Variants in FAM135B observed in about 807,000 individuals in gnomAD.
FAM135B encodes the protein protein FAM135B.
FAM135B carries 43 observed loss-of-function variants against 127.7 expected under a neutral mutation model. The ratio of observed to expected loss-of-function variants is 0.34; its 90% CI spans 0.26 to 0.43. The LOEUF (loss-of-function observed/expected upper bound fraction) is 0.43, where lower values mean the gene tolerates loss of function less well. Ranked by LOEUF, FAM135B falls within the 20% of genes least tolerant of loss-of-function variation. The pLI is 1.00. For missense variants in FAM135B, 1,558 were observed against 1,725.6 expected, an observed-to-expected ratio of 0.90 and a Z score of 1.72; for synonymous variants, 670 against 665.1, an observed-to-expected ratio of 1.01 and a Z score of -0.11.
At chr8:138,373,558 A>G (rs970919323) in intron 1 of FAM135B, among the ~76,000 whole-genome samples, 2 of 151,928 alleles carry the variant, frequency 1.3e-5, no homozygotes, top group Non-Finnish European at 2.9e-5. Flanking sequence ...ACAGAATAAC[A>G]GCAATGTTCA....
chr8:138,294,876 T>C (rs1324684753), intron 3 of FAM135B, among the ~76,000 whole-genome samples: 1 of 152,226 alleles, frequency 6.6e-6, no homozygotes, highest in Non-Finnish European at 1.5e-5. Flanking sequence ...TTCATGACTC[T>C]GCATCTGCAA....
At chr8:138,238,588 C>G (rs535421871) in intron 7 of FAM135B, among the ~76,000 whole-genome samples, 2 of 152,208 alleles carry the variant, frequency 1.3e-5, no homozygotes, top group Non-Finnish European at 2.9e-5. Flanking sequence ...CGCCAATCAG[C>G]TCGTATTGCT....
chr8:138,163,412 T>C (rs1430210677), intron 12 of FAM135B, among the ~76,000 whole-genome samples: 1 of 152,128 alleles, frequency 6.6e-6, no homozygotes, highest in Non-Finnish European at 1.5e-5. Context: ...GGCCATGTGA[T>C]ATGGTTTGGC....
intron 1 of FAM135B, among the ~76,000 whole-genome samples, chr8:138,450,280 G>C (rs906083065): frequency 9.9e-5 from 15 of 152,230 alleles, no homozygotes; most frequent in African/African-American, 2.9e-4. Context: ...CCAAGTTTTG[G>C]CAGTTATGAA....
At chr8:138,257,636 G>A (rs150974363) in intron 4 of FAM135B, among the ~76,000 whole-genome samples, 1 of 152,140 alleles carries the variant, frequency 6.6e-6, no homozygotes, top group Non-Finnish European at 1.5e-5. Context: ...TTCACAGGCA[G>A]GATGAAGCCC....
intron 11 of FAM135B, among the ~76,000 whole-genome samples, chr8:138,175,033 C>A (rs2130948788): frequency 6.6e-6 from 1 of 152,214 alleles, no homozygotes; most frequent in South Asian, 2.1e-4. Flanking sequence ...TCCCTTTACA[C>A]CTAAAAAAAT....
intron 2 of FAM135B, among the ~76,000 whole-genome samples, chr8:138,357,708 T>G (rs2131158639): frequency 6.6e-6 from 1 of 152,228 alleles, no homozygotes; most frequent in Admixed American, 6.5e-5. Flanking sequence ...ACTCTCTTTC[T>G]TATACCTCCT....
intron 1 of FAM135B, among the ~76,000 whole-genome samples, chr8:138,405,824 C>T (rs979435632): frequency 6.6e-6 from 1 of 151,774 alleles, no homozygotes; most frequent in African/African-American, 2.4e-5. Flanking sequence ...GTTTACAGTC[C>T]CACCAACAGT....
intron 3 of FAM135B, among the ~76,000 whole-genome samples, chr8:138,281,781 G>T (rs1303177419): frequency 1.3e-5 from 2 of 152,014 alleles, no homozygotes; most frequent in Admixed American, 6.6e-5. Flanking sequence ...ATTACTGTTT[G>T]TGTTATACTG....
At chr8:138,279,826 T>G (rs1455733449) in intron 3 of FAM135B, among the ~76,000 whole-genome samples, 1 of 152,180 alleles carries the variant, frequency 6.6e-6, no homozygotes, top group African/African-American at 2.4e-5. Flanking sequence ...GCATAGACAT[T>G]AAGCAATCAC....
chr8:138,173,353 G>A (rs934607250), intron 11 of FAM135B, among the ~76,000 whole-genome samples: 4 of 152,174 alleles, frequency 2.6e-5, no homozygotes, highest in Admixed American at 6.5e-5. Context: ...TGTTCTTTAA[G>A]ATGATGGCTC....
intron 12 of FAM135B, among the ~76,000 whole-genome samples, chr8:138,156,519 G>A (rs908545965): frequency 6.6e-6 from 1 of 151,038 alleles, no homozygotes; most frequent in African/African-American, 2.4e-5. Context: ...TTGTTTTTTT[G>A]AAAAGATCAA....
At chr8:138,407,125 A>C (rs1833555632) in intron 1 of FAM135B, among the ~76,000 whole-genome samples, 1 of 151,296 alleles carries the variant, frequency 6.6e-6, no homozygotes, top group South Asian at 2.1e-4. Context: ...AGACAAACAG[A>C]GAGCCAAATC....
chr8:138,410,932 G>C (rs565513612), intron 1 of FAM135B, among the ~76,000 whole-genome samples: 73 of 151,424 alleles, frequency 4.8e-4, no homozygotes, highest in Admixed American at 1.1e-3. Context: ...CAACTTACAA[G>C]GGATGTGAAG....
chr8:138,436,668 C>T (rs766638203), intron 1 of FAM135B, among the ~76,000 whole-genome samples: 4 of 152,166 alleles, frequency 2.6e-5, no homozygotes, highest in Non-Finnish European at 4.4e-5. Context: ...TTGATTCTGA[C>T]TGATTTAGCC....
chr8:138,158,048 A>G (rs1276254647), intron 12 of FAM135B, among the ~76,000 whole-genome samples: 2 of 152,234 alleles, frequency 1.3e-5, no homozygotes, highest in African/African-American at 2.4e-5. Context: ...ACTTCAAGCT[A>G]TAGTACAAGG....
intron 19 of FAM135B, among the ~76,000 whole-genome samples, chr8:138,133,091 C>T (rs1816336496): frequency 6.6e-6 from 1 of 152,134 alleles, no homozygotes; most frequent in South Asian, 2.1e-4. Flanking sequence ...GCTGTACCTC[C>T]CAGCAGGGTA....
chr8:138,310,818 C>T, intron 3 of FAM135B, 23 bp downstream of exon 3: 1 of 1,609,468 alleles, frequency 6.2e-7, no homozygotes, highest in Non-Finnish European at 8.5e-7. Context: ...GGGCAAGTGC[C>T]CCATTGCCAT....
chr8:138,135,977 A>G (rs551490605), intron 19 of FAM135B, among the ~76,000 whole-genome samples: 2 of 152,222 alleles, frequency 1.3e-5, no homozygotes, highest in East Asian at 3.9e-4. Context: ...GTAGGTAGTG[A>G]TAGAGGTGGA....
Sources: allele counts gnomAD v4.1 joint callset (sites outside exome capture counted in the v4.1 genomes callset), GRCh38; gene constraint gnomAD v4.1.1; transcripts MANE v1.5; gene names NCBI Gene and HGNC (gene_info 2026-07-23, HGNC 2026-07-21).